The following TMEM59L variants were observed in gnomAD, a reference collection of about 807,000 sequenced individuals.
TMEM59L encodes the protein transmembrane protein 59 like.
TMEM59L carries 31 observed loss-of-function variants against 39.6 expected under a neutral mutation model. The observed-to-expected ratio is 0.78, with a 90% confidence interval of 0.59 to 1.06. TMEM59L has a LOEUF of 1.06. Among genes scored for constraint, TMEM59L ranks in the 50% least tolerant of loss-of-function variants. The pLI is 0.00. For synonymous variants in TMEM59L, 219 were observed against 202.9 expected, an observed-to-expected ratio of 1.08 and a Z score of -0.68; for missense variants, 441 against 451.3, an observed-to-expected ratio of 0.98 and a Z score of 0.21.
At chr19:18,614,259 G>A in intron 3 of TMEM59L, 64 bp downstream of exon 3, 1 of 1,510,982 alleles carries the variant, frequency 6.6e-7, no homozygotes, top group Non-Finnish European at 8.9e-7. Context: ...CACCCCGTGG[G>A]AAATCTTCAT....
Position 18,617,947 on chromosome 19 carries a change from A to G in TMEM59L, c.665-208A>G, listed in dbSNP as rs935802488. ...TTCATCTCCTAGGATTCTGCAGTTC[A>G]CCCCCAGGGTTGCATGGTTCATCTC... On this transcript the variant is annotated intron_variant, in intron 5 of 7. Coordinates refer to ENST00000262817, the MANE Select transcript of TMEM59L (RefSeq NM_012109.3). 5.1e-6 allele frequency: 3 copies of G among 587,434 alleles called. No homozygotes were observed. The African/African-American group carries it at 6.1e-5, about 12-fold the overall frequency. 36.4% of individuals were successfully genotyped at this position (587,434 alleles called of 1,614,324 possible).
Position 18,614,075 on chromosome 19 carries a change from C to G in TMEM59L, c.317-29C>G, listed in dbSNP as rs748816465. 291 of 1,612,390 alleles carry G rather than the reference C, an allele frequency of 1.8e-4. 1 individual carries two copies. Among genetic ancestry groups the G allele is most frequent in the Non-Finnish European group, 2.3e-4 (277 of 1,179,780 alleles). On this transcript the variant is annotated intron_variant, in intron 2 of 7. Coordinates refer to ENST00000262817, the MANE Select transcript of TMEM59L (RefSeq NM_012109.3). ...GGAGAGGTGGCCTGGGAAGGGCCGT[C>G]CCCAGTCACCCGCTCCCACCTCCCA... is the stretch of plus-strand genomic sequence containing the variant.
At position 18,613,740 on chromosome 19, in the gene TMEM59L, A is replaced by G. The variant is rs1273595991; in HGVS notation, c.172-132A>G. 8.7e-6 allele frequency: 6 copies of G among 692,808 alleles called. No individual in the cohort carries two copies. The East Asian group carries it at 1.1e-4, about 12-fold the overall frequency. 42.9% of individuals were successfully genotyped at this position (692,808 alleles called of 1,614,324 possible). On this transcript the variant is annotated intron_variant, in intron 1 of 7. Coordinates refer to ENST00000262817, the MANE Select transcript of TMEM59L (RefSeq NM_012109.3). ...CCACTAATATTTGTAGCCTCTCCCAACTTCATCTCCATCTGGCTAGATGTC... is the reference window on the plus strand; with the variant it reads ...CCACTAATATTTGTAGCCTCTCCCAGCTTCATCTCCATCTGGCTAGATGTC...
intron 3 of TMEM59L, among the ~76,000 whole-genome samples, chr19:18,615,102 C>T (rs982275758): frequency 6.6e-6 from 1 of 152,170 alleles, no homozygotes; most frequent in African/African-American, 2.4e-5. Flanking sequence ...CCTGCCTCAG[C>T]CTCCTTTGTA....
chr19:18,612,936 CG>C lies in TMEM59L; in HGVS notation c.-22del. 7.7e-7 allele frequency: 1 copy of C among 1,291,132 alleles called. No individual in the cohort carries two copies. Among genetic ancestry groups the C allele is most frequent in the South Asian group, 2.5e-5 (1 of 40,172 alleles). 80.0% of individuals were successfully genotyped at this position (1,291,132 alleles called of 1,614,324 possible). A position where few individuals can be genotyped will look rare whatever the true frequency, so the allele number is the denominator to read the frequency against. On this transcript the variant is annotated 5_prime_UTR_variant, in exon 1 of 8. Transcript: ENST00000262817. The surrounding 1 kb of genome is among the most constrained non-coding windows in gnomAD (Gnocchi z 6.2). ...GCCCGGCCTGAGCTGGAGTCCCCCG[CG>C]CCCCCCGCGTTCCGCCCGGCCATGG...
chr19:18,615,547 C>T (rs1224925566), intron 3 of TMEM59L, among the ~76,000 whole-genome samples: 1 of 152,214 alleles, frequency 6.6e-6, no homozygotes, highest in Non-Finnish European at 1.5e-5. Context: ...CCTATTGGCC[C>T]AAATCACTTA....
intron 4 of TMEM59L, among the ~76,000 whole-genome samples, chr19:18,616,612 C>T (rs1439719319): frequency 6.6e-6 from 1 of 152,102 alleles, no homozygotes; most frequent in Non-Finnish European, 1.5e-5. Context: ...AGGCTGGTCT[C>T]GAACTCCTGA....
intron 7 of TMEM59L, 109 bp from the exon 8 acceptor site, chr19:18,620,299 C>CA (rs1317844647): frequency 1.7e-6 from 2 of 1,208,050 alleles, no homozygotes; most frequent in Non-Finnish European, 2.3e-6. Context: ...GAGACTCTCT[C>CA]AAAAAAAGAA....
chr19:18,613,730 G>A, intron 1 of TMEM59L, 142 bp from the exon 2 acceptor site: 1 of 649,824 alleles, frequency 1.5e-6, no homozygotes, highest in Non-Finnish European at 2.6e-6. Context: ...AATATTTGTA[G>A]CCTCTCCCAA....
Position 18,613,002 on chromosome 19 carries a change from T to G in TMEM59L, c.44T>G (p.Leu15Arg), listed in dbSNP as rs888829119. The change falls in exon 1 of 8, where the codon CTG (leucine) becomes CGG (arginine). Residue 15 changes from leucine (L) to arginine (R), a missense_variant. Leu to Arg is a moderately radical substitution (Grantham distance 102). Coordinates refer to ENST00000262817, the MANE Select transcript of TMEM59L (RefSeq NM_012109.3). ...ALMPPPLLLL[L>R]LLASPPAASA... is the part of the protein sequence containing the mutation. Reference sequence around the variant, plus strand: ...ATGCCACCGCCGCTGCTGCTGCTGCTGCTGTTGGCGTCGCCGCCCGCCGCC... The same window carrying G: ...ATGCCACCGCCGCTGCTGCTGCTGCGGCTGTTGGCGTCGCCGCCCGCCGCC... 1.5e-5 allele frequency: 21 copies of G among 1,380,052 alleles called. No homozygotes were observed. The highest frequency in any genetic ancestry group is 1.8e-5 in the Non-Finnish European group (19 of 1,069,724). 85.5% of individuals were successfully genotyped at this position (1,380,052 alleles called of 1,614,324 possible). A position where few individuals can be genotyped will look rare whatever the true frequency, so the allele number is the denominator to read the frequency against.
intron 5 of TMEM59L, chr19:18,617,587 G>T (rs1228819617): frequency 1.8e-5 from 8 of 453,898 alleles, no homozygotes; most frequent in Non-Finnish European, 3.1e-5. Flanking sequence ...ATCTCCTAGG[G>T]TCATCTCCTA....
chr19:18,613,092 G>C lies in TMEM59L; in HGVS notation c.134G>C (p.Arg45Pro). 7.5e-7 allele frequency: 1 copy of C among 1,330,508 alleles called. No individual in the cohort carries two copies. Among genetic ancestry groups the C allele is most frequent in the Middle Eastern group, 2.8e-4 (1 of 3,568 alleles). The allele number at this position is 1,330,508 out of a possible 1,614,324, so 82.4% of individuals were successfully genotyped here. A position where few individuals can be genotyped will look rare whatever the true frequency, so the allele number is the denominator to read the frequency against. Residue 45 changes from arginine to proline, a missense_variant, in exon 1 of 8, where the codon CGG (arginine) becomes CCG (proline). Transcript: ENST00000262817. ...QLGDTQNCQL[R>P]CRDRDLGPQP... ...GGGGACACGCAGAACTGCCAGCTGCGGTGCCGCGACCGCGACCTCGGCCCG... is the reference window on the plus strand; with the variant it reads ...GGGGACACGCAGAACTGCCAGCTGCCGTGCCGCGACCGCGACCTCGGCCCG...
rs1976398937 is a variant in TMEM59L, at chr19:18,613,911, G to A, written c.211G>A (p.Ala71Thr). The A allele has an allele frequency of 6.2e-7, 1 of 1,612,998 alleles. No homozygotes were observed. The highest frequency in any genetic ancestry group is 8.5e-7 in the Non-Finnish European group (1 of 1,180,030). Residue 71 changes from alanine to threonine, a missense_variant, in exon 2 of 8, where the codon GCC becomes ACC. Transcript: ENST00000262817. ...EGASESPYDR[A>T]VLISACERGC... ...CGCCTCCGAGTCTCCCTATGACAGA[G>A]CCGTTCTGATCAGCGCTTGCGAGCG...
rs1338404823 is a variant in TMEM59L, at chr19:18,613,028, T to G, written c.70T>G (p.Ser24Ala). The change falls in exon 1 of 8, where the codon TCC (serine) becomes GCC (alanine). Residue 24 changes from serine to alanine, a missense_variant. By Grantham distance (99) the Ser-to-Ala change is moderately conservative. Transcript: ENST00000262817. ...GCTGTTGGCGTCGCCGCCCGCCGCC[T>G]CCGCGCCGTCCGCCCGCGATCCCTT... ...LLLLASPPAASAPSARDPFAP... is the reference protein window; with the variant it reads ...LLLLASPPAAAAPSARDPFAP... 7.2e-7 allele frequency: 1 copy of G among 1,391,362 alleles called. No individual in the cohort carries two copies. Among genetic ancestry groups the G allele is most frequent in the Non-Finnish European group, 9.3e-7 (1 of 1,074,156 alleles). The allele number at this position is 1,391,362 out of a possible 1,614,324, so 86.2% of individuals were successfully genotyped here. A position where few individuals can be genotyped will look rare whatever the true frequency, so the allele number is the denominator to read the frequency against.
At chr19:18,617,710 G>A (rs902674508) in intron 5 of TMEM59L, 16 of 440,838 alleles carry the variant, frequency 3.6e-5, no homozygotes, top group Non-Finnish European at 7.2e-5. Flanking sequence ...GGGTTCTGCA[G>A]TCCATCTCCC....
intron 7 of TMEM59L, among the ~76,000 whole-genome samples, chr19:18,619,910 C>T (rs1026181914): frequency 8.0e-5 from 12 of 150,746 alleles, no homozygotes; most frequent in South Asian, 2.1e-4. Flanking sequence ...CCTGAGAGTT[C>T]GAAGCTGCAG....
chr19:18,618,518 G>C, intron 7 of TMEM59L, 26 bp downstream of exon 7: 2 of 1,588,404 alleles, frequency 1.3e-6, no homozygotes. Flanking sequence ...GAATGGCGCT[G>C]GGCCGAGGGA....
Position 18,613,084 on chromosome 19 carries a change from C to A in TMEM59L, c.126C>A (p.Cys42Ter). The A allele has an allele frequency of 7.4e-7, 1 of 1,347,152 alleles. No individual in the cohort carries two copies. Among genetic ancestry groups the A allele is most frequent in the Admixed American group, 3.7e-5 (1 of 26,876 alleles). 83.4% of individuals were successfully genotyped at this position (1,347,152 alleles called of 1,614,324 possible). The change falls in exon 1 of 8, where the codon TGC becomes TGA. Residue 42 changes from cysteine (C) to a stop codon, truncating the protein, a stop_gained. Coordinates refer to ENST00000262817, the MANE Select transcript of TMEM59L (RefSeq NM_012109.3). LOFTEE classifies it high-confidence loss of function. ...CCCAGCTCGGGGACACGCAGAACTG[C>A]CAGCTGCGGTGCCGCGACCGCGACC... ...FAPQLGDTQNCQLRCRDRDLG... is the reference protein window; with the variant it reads ...FAPQLGDTQN
Position 18,620,422 on chromosome 19 carries a change from G to A in TMEM59L, c.915G>A (p.Glu305=). 6.2e-7 allele frequency: 1 copy of A among 1,612,662 alleles called. No homozygotes were observed. Among genetic ancestry groups the A allele is most frequent in the Non-Finnish European group, 8.5e-7 (1 of 1,179,712 alleles). ...QHLKFQPLTL[E]QHKGFMMEPD... is the part of the protein sequence containing the mutation. ...TCTTCCTGCAGCCTCTGACCCTGGA[G>A]CAGCACAAGGGCTTCATGATGGAGC... Residue 305 remains glutamate, a synonymous_variant, in exon 8 of 8, where the codon GAG becomes GAA. Transcript: ENST00000262817.
Sources: allele counts gnomAD v4.1 joint callset (sites outside exome capture counted in the v4.1 genomes callset), GRCh38; gene constraint gnomAD v4.1.1; non-coding constraint Gnocchi (gnomAD v3.1); transcripts MANE v1.5; gene names NCBI Gene and HGNC (gene_info 2026-07-23, HGNC 2026-07-21).